Variants in ARSG observed in about 807,000 individuals in gnomAD.
The protein encoded by ARSG is arylsulfatase G.
In ARSG, 37 loss-of-function variants were observed where a neutral mutation model predicts 50.5. That is an observed-to-expected ratio of 0.73 (90% CI 0.56 to 0.96). ARSG has a LOEUF of 0.96. ARSG is among the 50% of genes least tolerant of loss of function. The probability of loss-of-function intolerance (pLI) is 0.00; values close to 1 mark genes in which losing one functional copy is unlikely to be tolerated. For missense variants in ARSG, 629 were observed against 675.3 expected (o/e 0.93, Z 0.76); for synonymous variants, 225 against 254.6 (o/e 0.88, Z 1.11).
intron 11 of ARSG, among the ~76,000 whole-genome samples, chr17:68,416,519 C>G (rs1345802567): frequency 6.6e-6 from 1 of 152,190 alleles, no homozygotes; most frequent in Non-Finnish European, 1.5e-5. Flanking sequence ...AGGTTTCTAG[C>G]AAGGCCAGGG....
chr17:68,271,212 A>C lies in ARSG; in HGVS notation c.-552+11786A>C, dbSNP rs1555748557. ...CAATGCCCAGACTAATGCCCAGAGG[A>C]ATGATGTACAAGGAAGGTGCAAAGA... is the stretch of plus-strand genomic sequence containing the variant. On this transcript the variant is annotated intron_variant, in intron 1 of 11. Coordinates refer to the ARSG transcript ENST00000448504. This position sits in a 1 kb window ranked among gnomAD's most constrained non-coding sequence, Gnocchi z 5.3. 1.1e-5 allele frequency: 18 copies of C among 1,614,068 alleles called. No individual in the cohort carries two copies. The highest frequency in any genetic ancestry group is 1.5e-5 in the Non-Finnish European group (18 of 1,180,038).
rs775684576 is a variant in ARSG at position 68,395,122 on chromosome 17, C to A, written c.1141C>A (p.Pro381Thr). 2 of 1,614,022 alleles carry A rather than the reference C, an allele frequency of 1.2e-6. No individual in the cohort carries two copies. The highest frequency in any genetic ancestry group is 2.7e-5 in the African/African-American group (2 of 74,938). ...TVVALAQASL[P>T]QGRRFDGVDV... Reference sequence around the variant, plus strand: ...GGTAGCCCTGGCCCAGGCCAGCTTACCTCAAGGACGGCGCTTTGATGGTGT... The same window carrying A: ...GGTAGCCCTGGCCCAGGCCAGCTTAACTCAAGGACGGCGCTTTGATGGTGT... Residue 381 changes from proline (P) to threonine (T), a missense_variant, in exon 10 of 12, where the codon CCT (proline) becomes ACT (threonine). Pro to Thr is a conservative substitution (Grantham distance 38). Coordinates refer to ENST00000621439, the MANE Select transcript of ARSG (RefSeq NM_001267727.2).
At position 68,368,622 on chromosome 17, in the gene ARSG, C is replaced by A; in HGVS notation, c.779C>A (p.Pro260Gln). ...GTGCCCTTACCTGTGACTCAGCTAC[C>A]AGCAGCGCCACGGGGCAGAAGCCTG... ...MHVPLPVTQL[P>Q]AAPRGRSLYG... Residue 260 changes from proline (P) to glutamine (Q), a missense_variant, in exon 7 of 12, where the codon CCA (proline) becomes CAA (glutamine). Transcript: ENST00000621439. 6.2e-7 allele frequency: 1 copy of A among 1,614,218 alleles called. No homozygotes were observed. The highest frequency in any genetic ancestry group is 8.5e-7 in the Non-Finnish European group (1 of 1,180,026).
In ARSG at chr17:68,343,592, C is replaced by T; in HGVS notation, c.219-12C>T. 1.3e-6 allele frequency: 2 copies of T among 1,598,978 alleles called. No individual in the cohort carries two copies. Among genetic ancestry groups the T allele is most frequent in the Non-Finnish European group, 1.7e-6 (2 of 1,170,688 alleles). The stretch of plus-strand genomic sequence containing the variant: ...GGTTGGTGCGGTCCTGACCACTGTC[C>T]TTTCCCTGCAGGTTTGTGGATTTCC... On this transcript the variant is annotated splice_polypyrimidine_tract_variant and intron_variant, in intron 2 of 11. Transcript: ENST00000621439.
At chr17:68,273,362 A>G (rs901628883) in intron 1 of ARSG, among the ~76,000 whole-genome samples, 1 of 152,050 alleles carries the variant, frequency 6.6e-6, no homozygotes, top group South Asian at 2.1e-4. Flanking sequence ...AGCTGGGACC[A>G]CAGGCACGCA....
intron 2 of ARSG, among the ~76,000 whole-genome samples, chr17:68,339,620 A>G (rs1481282715): frequency 6.6e-6 from 1 of 152,216 alleles, no homozygotes; most frequent in Admixed American, 6.5e-5. Context: ...CTTGTAGAAT[A>G]TCAAAATACT....
intron 6 of ARSG, among the ~76,000 whole-genome samples, chr17:68,363,581 C>T (rs1161797729): frequency 6.6e-6 from 1 of 152,176 alleles, no homozygotes; most frequent in African/African-American, 2.4e-5. Flanking sequence ...AATTCTCCTG[C>T]CTCAGCCTCC....
intron 11 of ARSG, among the ~76,000 whole-genome samples, chr17:68,418,464 AC>A (rs2082532559): frequency 6.6e-6 from 1 of 152,256 alleles, no homozygotes. Flanking sequence ...ATTAATCTCT[AC>A]TGATCAACTT....
intron 1 of ARSG, among the ~76,000 whole-genome samples, chr17:68,305,705 A>G (rs906564735): frequency 2.0e-5 from 3 of 152,194 alleles, no homozygotes; most frequent in African/African-American, 7.2e-5. Context: ...GTAAGCACCC[A>G]TATATCTGCT....
chr17:68,329,294 G>T (rs2077628702), intron 2 of ARSG, among the ~76,000 whole-genome samples: 1 of 152,234 alleles, frequency 6.6e-6, no homozygotes, highest in South Asian at 2.1e-4. Flanking sequence ...GGGAGGAGGG[G>T]TTTGATGCCA....
downstream of ARSG, chr17:68,422,856 T>G (rs1039018033): frequency 6.6e-6 from 1 of 152,128 alleles, no homozygotes; most frequent in Non-Finnish European, 1.5e-5. Context: ...GTTGGCTTGT[T>G]CCTGAAACAA....
At chr17:68,366,094 C>T (rs376828805) in intron 6 of ARSG, among the ~76,000 whole-genome samples, 4 of 152,150 alleles carry the variant, frequency 2.6e-5, no homozygotes, top group Admixed American at 1.3e-4. Context: ...CCTGCCACCA[C>T]GCCTGGCTAA....
intron 11 of ARSG, among the ~76,000 whole-genome samples, chr17:68,419,436 C>T (rs2082611036): frequency 6.6e-6 from 1 of 151,978 alleles, no homozygotes; most frequent in Admixed American, 6.6e-5. Context: ...ATTAGCCGAG[C>T]GTGGTGGCAG....
chr17:68,288,668 T>C (rs2075897694), upstream of ARSG, among the ~76,000 whole-genome samples: 1 of 152,246 alleles, frequency 6.6e-6, no homozygotes, highest in Non-Finnish European at 1.5e-5. Flanking sequence ...GATCTCTTCC[T>C]GCCCTAATAG....
chr17:68,269,965 G>A (rs1688716172), intron 1 of ARSG, among the ~76,000 whole-genome samples: 1 of 152,004 alleles, frequency 6.6e-6, no homozygotes. Flanking sequence ...GAGCCACTGC[G>A]CCCGGCCCGT....
At chr17:68,425,328 C>T (rs964897669), downstream of ARSG, among the ~76,000 whole-genome samples, 6 of 151,986 alleles carry the variant, frequency 3.9e-5, no homozygotes, top group South Asian at 4.2e-4. Context: ...CTCAGCGTCC[C>T]GAATAGCTGG....
downstream of ARSG, among the ~76,000 whole-genome samples, chr17:68,426,733 C>T (rs1399285753): frequency 6.6e-6 from 1 of 152,102 alleles, no homozygotes; most frequent in Non-Finnish European, 1.5e-5. Flanking sequence ...TGGGGTTTCA[C>T]CATGTTGGCT....
intron 1 of ARSG, among the ~76,000 whole-genome samples, chr17:68,296,066 T>A (rs1403229503): frequency 6.6e-6 from 1 of 152,184 alleles, no homozygotes; most frequent in Non-Finnish European, 1.5e-5. Flanking sequence ...AGTAAGACCC[T>A]GTCTCAAACC....
At chr17:68,386,196 T>G (rs1386447935) in intron 9 of ARSG, among the ~76,000 whole-genome samples, 2 of 152,220 alleles carry the variant, frequency 1.3e-5, no homozygotes, top group Non-Finnish European at 2.9e-5. Context: ...GACTTTTCAC[T>G]AATTCAGACA....
Sources: gnomAD v4.1 joint callset for allele counts (sites outside exome capture counted in the v4.1 genomes callset) on GRCh38, gnomAD v4.1.1 for gene constraint, Gnocchi (gnomAD v3.1) non-coding constraint, MANE v1.5 for transcripts, NCBI Gene and HGNC (gene_info 2026-07-23, HGNC 2026-07-21) for gene names.